The following MAN1B1 variants were observed in gnomAD, a reference collection of about 807,000 sequenced individuals.
The protein encoded by MAN1B1 is endoplasmic reticulum mannosyl-oligosaccharide 1,2-alpha-mannosidase.
A neutral mutation model predicts 75.5 loss-of-function variants in MAN1B1; 66 were observed. The ratio of observed to expected loss-of-function variants is 0.87; its 90% CI spans 0.72 to 1.07. The LOEUF (loss-of-function observed/expected upper bound fraction) is 1.07, where lower values mean the gene tolerates loss of function less well. Ranked by LOEUF, MAN1B1 falls within the 50% of genes least tolerant of loss-of-function variation. The pLI, the probability that MAN1B1 is intolerant of heterozygous loss-of-function variation, is 0.00. For synonymous variants in MAN1B1, 453 were observed against 382.8 expected, an observed-to-expected ratio of 1.18 and a Z score of -2.14; for missense variants, 973 against 912.5, an observed-to-expected ratio of 1.07 and a Z score of -0.85.
At chr9:137,088,754 G>A (rs1830445338) in intron 2 of MAN1B1, 115 bp from the exon 3 acceptor site, 2 of 1,097,174 alleles carry the variant, frequency 1.8e-6, no homozygotes, top group African/African-American at 1.5e-5. Context: ...GTGACTATCA[G>A]GTATCATAAT....
In MAN1B1 at chr9:137,099,938, G is replaced by A. The variant is rs529398413; in HGVS notation, c.916+57G>A. On this transcript the variant is annotated intron_variant, in intron 6 of 12. Coordinates refer to ENST00000371589, the MANE Select transcript of MAN1B1 (RefSeq NM_016219.5). ...CCTCCGTGTGGGCCTCGTGTGCTGA[G>A]GCAGAGTGTGGGTTGCACACGGGGT... 104 of 1,595,028 alleles carry A rather than the reference G, an allele frequency of 6.5e-5. No individual in the cohort carries two copies. The African/African-American group carries it at 1.3e-3, about 20-fold the overall frequency.
intron 4 of MAN1B1, 117 bp from the exon 5 acceptor site, chr9:137,097,711 G>T: frequency 1.3e-6 from 1 of 796,712 alleles, no homozygotes; most frequent in Non-Finnish European, 2.2e-6. Flanking sequence ...ACCTCAGGAT[G>T]ATGGGGCCGC....
rs778678967 is a variant in MAN1B1 at position 137,087,101 on chromosome 9, T to G, written c.102T>G (p.Thr34=). ...GGGCCCCTTGGGCCGTCGCCACCAC[T>G]GTAGTCATGTACCCACCGCCGCCGC... The part of the protein sequence containing the change: ...VGGAPWAVAT[T]VVMYPPPPPP... The change falls in exon 1 of 13, where the codon ACT becomes ACG. Residue 34 remains threonine (T), a synonymous_variant. Coordinates refer to ENST00000371589, the MANE Select transcript of MAN1B1 (RefSeq NM_016219.5). The G allele has an allele frequency of 4.4e-6, 7 of 1,597,396 alleles. No individual in the cohort carries two copies. Among genetic ancestry groups the G allele is most frequent in the Admixed American group, 1.7e-5 (1 of 57,410 alleles).
At chr9:137,100,768 C>T (rs1467259562) in intron 6 of MAN1B1, among the ~76,000 whole-genome samples, 3 of 152,278 alleles carry the variant, frequency 2.0e-5, no homozygotes, top group East Asian at 1.9e-4. Context: ...CACAGGCATG[C>T]GCCACCATAC....
In MAN1B1 at chr9:137,097,918, C is replaced by T. The variant is rs781675627; in HGVS notation, c.711C>T (p.Ala237=). Residue 237 remains alanine, a synonymous_variant, in exon 5 of 13, where the codon GCC becomes GCT. Coordinates refer to ENST00000371589, the MANE Select transcript of MAN1B1 (RefSeq NM_016219.5). ...CCACCAAGCCTCCCCTGCCACCGGC[C>T]AGGACACAGGGCACACCAGGTGAGG... ...EVPTKPPLPP[A]RTQGTPVHLN... is the part of the protein sequence containing the mutation. 1.1e-5 allele frequency: 17 copies of T among 1,558,070 alleles called. No individual in the cohort carries two copies. In the Admixed American group the frequency reaches 2.7e-4, roughly 25 times the overall value.
Position 137,107,280 on chromosome 9 carries a change from C to T in MAN1B1, c.1597C>T (p.Leu533=), listed in dbSNP as rs1831145909. The T allele has an allele frequency of 6.2e-7, 1 of 1,612,928 alleles. No homozygotes were observed. The highest frequency in any genetic ancestry group is 1.7e-5 in the Admixed American group (1 of 60,008). The part of the protein sequence containing the change: ...DHLVCFLPGT[L]ALGVYHGLPA... Reference sequence around the variant, plus strand: ...CCTGGTGTGCTTCCTGCCAGGGACGCTGGCTCTGGGCGTCTACCACGGCCT... The same window carrying T: ...CCTGGTGTGCTTCCTGCCAGGGACGTTGGCTCTGGGCGTCTACCACGGCCT... Residue 533 remains leucine (L), a synonymous_variant, in exon 11 of 13, where the codon CTG becomes TTG. Transcript: ENST00000371589.
intron 3 of MAN1B1, among the ~76,000 whole-genome samples, chr9:137,094,756 T>C (rs1391489626): frequency 6.6e-6 from 1 of 152,018 alleles, no homozygotes; most frequent in Non-Finnish European, 1.5e-5. Context: ...GGCGGGCGCC[T>C]GTAATCCCAG....
intron 4 of MAN1B1, 22 bp from the exon 5 acceptor site, chr9:137,097,806 C>T (rs759910469): frequency 9.9e-6 from 15 of 1,521,784 alleles, no homozygotes; most frequent in Non-Finnish European, 1.3e-5. Context: ...CGGCAGCTGA[C>T]ACCCTTCCTT....
chr9:137,106,075 C>A, intron 8 of MAN1B1, 50 bp from the exon 9 acceptor site: 1 of 1,482,218 alleles, frequency 6.7e-7, no homozygotes, highest in South Asian at 1.2e-5. Flanking sequence ...ACAGCTCACC[C>A]TGCAGCTCGG....
rs114461317 is a variant in MAN1B1 at position 137,089,067 on chromosome 9, C to T, written c.465+62C>T. On this transcript the variant is annotated intron_variant, in intron 3 of 12. Transcript: ENST00000371589. Reference sequence around the variant, plus strand: ...TTCAATCCAGAGGCATTTCAAACCACTGAAGATTGAGAAGAATTATTTTCC... The same window carrying T: ...TTCAATCCAGAGGCATTTCAAACCATTGAAGATTGAGAAGAATTATTTTCC... The T allele has an allele frequency of 3.0e-3, 4,719 of 1,585,588 alleles. 47 individuals carry two copies. Among genetic ancestry groups the T allele is most frequent in the African/African-American group, 0.025 (1,839 of 74,412 alleles).
rs115057182 is a variant in MAN1B1 at position 137,100,127 on chromosome 9, C to T, written c.916+246C>T. Reference sequence around the variant, plus strand: ...AGTTGAGTGTGGACTCTTTGGGGGACGTCCAAGGGACATTCCCAGGCTGTG... The same window carrying T: ...AGTTGAGTGTGGACTCTTTGGGGGATGTCCAAGGGACATTCCCAGGCTGTG... On this transcript the variant is annotated intron_variant, in intron 6 of 12. Transcript: ENST00000371589. Among the ~76,000 whole-genome samples, 1,315 of 152,294 alleles carry T rather than the reference C, an allele frequency of 8.6e-3. 13 individuals carry two copies. The highest frequency in any genetic ancestry group is 0.022 in the African/African-American group (915 of 41,538).
Position 137,109,044 on chromosome 9 carries a change from G to T in MAN1B1, c.*453G>T. The T allele has an allele frequency of 4.4e-6, 2 of 458,142 alleles. No individual in the cohort carries two copies. Among genetic ancestry groups the T allele is most frequent in the South Asian group, 3.1e-5 (2 of 64,554 alleles). 28.4% of individuals were successfully genotyped at this position (458,142 alleles called of 1,614,324 possible). Reference sequence around the variant, plus strand: ...GGCCTGAGGCTCCAGGGCTGGCTCTGGTGTTTACAAGCTGGACTCAGGGAT... The same window carrying T: ...GGCCTGAGGCTCCAGGGCTGGCTCTTGTGTTTACAAGCTGGACTCAGGGAT... On this transcript the variant is annotated 3_prime_UTR_variant, in exon 13 of 13. Coordinates refer to ENST00000371589, the MANE Select transcript of MAN1B1 (RefSeq NM_016219.5).
intron 4 of MAN1B1, 28 bp from the exon 5 acceptor site, chr9:137,097,800 A>T (rs1830693836): frequency 6.7e-7 from 1 of 1,497,866 alleles, no homozygotes; most frequent in Non-Finnish European, 9.1e-7. Flanking sequence ...GTTTGACGGC[A>T]GCTGACACCC....
Position 137,106,170 on chromosome 9 carries a change from A to ACC in MAN1B1, c.1300_1301insCC (p.Lys434ThrfsTer38). On this transcript the variant is annotated frameshift_variant, in exon 9 of 13. Coordinates refer to ENST00000371589, the MANE Select transcript of MAN1B1 (RefSeq NM_016219.5). LOFTEE classifies it high-confidence loss of function. ...ACAGCACATCCACGGCCTGTCTGGG[A>ACC]AGAAGGATGGGCTGGTGCCCATGTT... 2 of 1,612,928 alleles carry ACC rather than the reference A, an allele frequency of 1.2e-6. No homozygotes were observed. The highest frequency in any genetic ancestry group is 1.7e-6 in the Non-Finnish European group (2 of 1,179,894).
chr9:137,099,690 T>C lies in MAN1B1; in HGVS notation c.731-6T>C. ...GCCATGGCCTGTGCTCTCTCCCCCC[T>C]ACTAGTGCATCTGAACTATCGCCAG... On this transcript the variant is annotated splice_polypyrimidine_tract_variant and splice_region_variant and intron_variant, in intron 5 of 12. Transcript: ENST00000371589. 2 of 1,613,958 alleles carry C rather than the reference T, an allele frequency of 1.2e-6. No individual in the cohort carries two copies. Among genetic ancestry groups the C allele is most frequent in the Non-Finnish European group, 1.7e-6 (2 of 1,179,870 alleles).
At chr9:137,097,775 C>T (rs1331823065) in intron 4 of MAN1B1, 53 bp from the exon 5 acceptor site, 1 of 1,378,270 alleles carries the variant, frequency 7.3e-7, no homozygotes, top group Admixed American at 2.0e-5. Context: ...GGGTGGGAAA[C>T]ATGGAGCCAC....
chr9:137,094,589 C>G (rs1475386497), intron 3 of MAN1B1, among the ~76,000 whole-genome samples: 1 of 150,702 alleles, frequency 6.6e-6, no homozygotes, highest in Admixed American at 6.6e-5. Context: ...AAAAAAAAAA[C>G]AGGCTGGGGC....
Position 137,107,341 on chromosome 9 carries a change from T to C in MAN1B1, c.1658T>C (p.Met553Thr). 6.2e-7 allele frequency: 1 copy of C among 1,613,252 alleles called. No individual in the cohort carries two copies. Among genetic ancestry groups the C allele is most frequent in the African/African-American group, 1.3e-5 (1 of 75,064 alleles). Residue 553 changes from methionine to threonine, a missense_variant, in exon 11 of 13, where the codon ATG (methionine) becomes ACG (threonine). Transcript: ENST00000371589. The stretch of plus-strand genomic sequence containing the variant: ...CACATGGAGCTGGCCCAGGAGCTCA[T>C]GGAGACTTGTTACCAGATGAACCGG... Reference protein sequence around the residue: ...ASHMELAQELMETCYQMNRQM... With the variant: ...ASHMELAQELTETCYQMNRQM...
chr9:137,106,338 C>G, intron 9 of MAN1B1, 23 bp downstream of exon 9: 2 of 1,542,032 alleles, frequency 1.3e-6, no homozygotes, highest in Non-Finnish European at 1.8e-6. Flanking sequence ...CCGCTGCCCC[C>G]AGCTCCCGCG....
Sources: gnomAD v4.1 joint callset for allele counts (sites outside exome capture counted in the v4.1 genomes callset) on GRCh38, gnomAD v4.1.1 for gene constraint, MANE v1.5 for transcripts, NCBI Gene and HGNC (gene_info 2026-07-23, HGNC 2026-07-21) for gene names.